Variants in SLC38A3 observed in about 807,000 individuals in gnomAD.
The protein encoded by SLC38A3 is solute carrier family 38 member 3.
SLC38A3 carries 17 observed loss-of-function variants against 59.5 expected under a neutral mutation model. That is an observed-to-expected ratio of 0.29 (90% confidence interval 0.20 to 0.43). The LOEUF (loss-of-function observed/expected upper bound fraction) is 0.43. Among genes scored for constraint, SLC38A3 ranks in the 20% least tolerant of loss-of-function variants. SLC38A3 has a pLI of 1.00. For synonymous variants in SLC38A3, 238 were observed against 260.3 expected (o/e 0.91, Z 0.82); for missense variants, 454 against 653.9 (o/e 0.69, Z 3.33).
At chr3:50,209,813 A>G (rs779810400) in intron 1 of SLC38A3, among the ~76,000 whole-genome samples, 53 of 152,146 alleles carry the variant, frequency 3.5e-4, no homozygotes, top group African/African-American at 1.2e-3. Flanking sequence ...GCTGAGGATT[A>G]ACATGGCCGG....
At chr3:50,219,364 C>T (rs1346750690) in intron 14 of SLC38A3, among the ~76,000 whole-genome samples, 1 of 152,198 alleles carries the variant, frequency 6.6e-6, no homozygotes, top group East Asian at 1.9e-4. Flanking sequence ...CCAGATGGGG[C>T]TCTCAGCTGG....
Position 50,215,405 on chromosome 3 carries a change from G to A in SLC38A3, c.319G>A (p.Ala107Thr), listed in dbSNP as rs780657967. ...ILFLFLLTAV[A>T]LLSSYSIHLL... ...CCCCAGGTTCCTGTTGACAGCTGTC[G>A]CCTTGCTCTCCAGCTACTCCATCCA... is the stretch of plus-strand genomic sequence containing the variant. Residue 107 changes from alanine to threonine, a missense_variant, in exon 5 of 16, where the codon GCC (alanine) becomes ACC (threonine). Ala to Thr is a moderately conservative substitution (Grantham distance 58). Around this residue, in one of 3 missense-constraint regions of SLC38A3, gnomAD observed 390 missense variants for 557.9 expected, o/e 0.70. Transcript: ENST00000614032. The surrounding 1 kb of genome is among the most constrained non-coding windows in gnomAD (Gnocchi z 7.1). 1.1e-5 allele frequency: 18 copies of A among 1,613,782 alleles called. No homozygotes were observed. The highest frequency in any genetic ancestry group is 4.4e-5 in the South Asian group (4 of 91,072).
Position 50,215,251 on chromosome 3 carries a change from T to C in SLC38A3, c.300-135T>C, listed in dbSNP as rs866196979. 1 of 742,454 alleles carries C rather than the reference T, an allele frequency of 1.3e-6. No individual in the cohort carries two copies. The highest frequency in any genetic ancestry group is 2.3e-6 in the Non-Finnish European group (1 of 427,622). The allele number at this position is 742,454 out of a possible 1,614,324, so 46.0% of individuals were successfully genotyped here. A position where few individuals can be genotyped will look rare whatever the true frequency, so the allele number is the denominator to read the frequency against. On this transcript the variant is annotated intron_variant, in intron 4 of 15. Coordinates refer to ENST00000614032, the MANE Select transcript of SLC38A3 (RefSeq NM_006841.6). The surrounding 1 kb of genome is among the most constrained non-coding windows in gnomAD (Gnocchi z 7.1). Reference sequence around the variant, plus strand: ...ACCCCTGGGGCCTGCTGAGCTGGCATCCATACCTGTTGGGAGTCCAGACAC... The same window carrying C: ...ACCCCTGGGGCCTGCTGAGCTGGCACCCATACCTGTTGGGAGTCCAGACAC...
Position 50,218,348 on chromosome 3 carries a change from C to T in SLC38A3, c.1014C>T (p.Leu338=). The T allele has an allele frequency of 1.9e-6, 3 of 1,612,154 alleles. No homozygotes were observed. Among genetic ancestry groups the T allele is most frequent in the Middle Eastern group, 1.7e-4 (1 of 6,060 alleles). ...VMYIMYFLAA[L]FGYLTFYNGV... ...ACATCATGTACTTCCTGGCTGCCCT[C>T]TTCGGCTACCTCACCTTCTACAGTA... Residue 338 remains leucine, a synonymous_variant, in exon 12 of 16, where the codon CTC becomes CTT. Coordinates refer to ENST00000614032, the MANE Select transcript of SLC38A3 (RefSeq NM_006841.6). The surrounding 1 kb of genome is among the most constrained non-coding windows in gnomAD (Gnocchi z 5.8).
Position 50,217,125 on chromosome 3 carries a change from C to T in SLC38A3, c.549-113C>T. ...AGTGAGACTCAGAGCTGTGGACAAA[C>T]ATTCTTCAGATGTCACTCAGTGGCA... On this transcript the variant is annotated intron_variant, in intron 7 of 15. Coordinates refer to ENST00000614032, the MANE Select transcript of SLC38A3 (RefSeq NM_006841.6). The surrounding 1 kb of genome is among the most constrained non-coding windows in gnomAD (Gnocchi z 4.9). 1 of 728,044 alleles carries T rather than the reference C, an allele frequency of 1.4e-6. No individual in the cohort carries two copies. Among genetic ancestry groups the T allele is most frequent in the Non-Finnish European group, 2.4e-6 (1 of 411,074 alleles). The allele number at this position is 728,044 out of a possible 1,614,324, so 45.1% of individuals were successfully genotyped here.
In SLC38A3 at chr3:50,214,658, G is replaced by A. The variant is rs1274120223; in HGVS notation, c.189G>A (p.Glu63=). Residue 63 remains glutamate (E), a synonymous_variant, in exon 4 of 16, where the codon GAG becomes GAA. Transcript: ENST00000614032. This position sits in a 1 kb window ranked among gnomAD's most constrained non-coding sequence, Gnocchi z 6.0. ...PSKEPHFTDF[E]GKTSFGMSVF... is the part of the protein sequence containing the mutation. ...TCCCATTCTGGTGCCTGCAGTTCGA[G>A]GGGAAGACATCATTCGGGATGTCAG... The A allele has an allele frequency of 6.2e-7, 1 of 1,609,564 alleles. No individual in the cohort carries two copies. The highest frequency in any genetic ancestry group is 1.1e-5 in the South Asian group (1 of 90,424).
Position 50,214,046 on chromosome 3 carries a change from G to A in SLC38A3, c.-51-103G>A, listed in dbSNP as rs530284764. On this transcript the variant is annotated intron_variant, in intron 1 of 15. Transcript: ENST00000614032. The surrounding 1 kb of genome is among the most constrained non-coding windows in gnomAD (Gnocchi z 6.0). ...AGAGCTGCATGTGTGGATATGCCCC[G>A]AGTGACCATCTGGGAGGTGTGCTAT... 1.8e-5 allele frequency: 12 copies of A among 658,832 alleles called. No homozygotes were observed. The highest frequency in any genetic ancestry group is 5.4e-5 in the East Asian group (2 of 36,742). 40.8% of individuals were successfully genotyped at this position (658,832 alleles called of 1,614,324 possible). A position where few individuals can be genotyped will look rare whatever the true frequency, so the allele number is the denominator to read the frequency against.
Position 50,218,151 on chromosome 3 carries a change from G to T in SLC38A3, c.936-119G>T. On this transcript the variant is annotated intron_variant, in intron 11 of 15. Transcript: ENST00000614032. This position sits in a 1 kb window ranked among gnomAD's most constrained non-coding sequence, Gnocchi z 5.8. ...CATGAGAGGTGATTATGAGCAAGAA[G>T]GAGACTCCCTCAGATGCTGAATGGT... 9.5e-7 allele frequency: 1 copy of T among 1,055,054 alleles called. No homozygotes were observed. The highest frequency in any genetic ancestry group is 1.6e-5 in the African/African-American group (1 of 64,336). The allele number at this position is 1,055,054 out of a possible 1,614,324, so 65.4% of individuals were successfully genotyped here.
intron 1 of SLC38A3, chr3:50,207,992 C>T (rs1699668253): frequency 6.6e-6 from 1 of 152,358 alleles, no homozygotes; most frequent in Non-Finnish European, 1.5e-5. Flanking sequence ...GGTGCTGGAC[C>T]AGGGATATCT....
chr3:50,219,925 T>A lies in SLC38A3; in HGVS notation c.1351T>A (p.Phe451Ile). The change falls in exon 15 of 16, where the codon TTC (phenylalanine) becomes ATC (isoleucine). Residue 451 changes from phenylalanine (F) to isoleucine (I), a missense_variant. Transcript: ENST00000614032. ...PFLIFIFPAI[F>I]YFRIMPTEKE... ...CCTCATCTTCATCTTCCCTGCCATC[T>A]TCTACTTCCGAATCATGCCCACGGA... The A allele has an allele frequency of 6.2e-7, 1 of 1,613,560 alleles. No individual in the cohort carries two copies. The highest frequency in any genetic ancestry group is 8.5e-7 in the Non-Finnish European group (1 of 1,179,722).
chr3:50,218,667 G>C lies in SLC38A3; in HGVS notation c.1111G>C (p.Val371Leu), dbSNP rs1283005538. 7 of 1,613,502 alleles carry C rather than the reference G, an allele frequency of 4.3e-6. No individual in the cohort carries two copies. In the East Asian group the frequency reaches 1.6e-4, roughly 36 times the overall value. The change falls in exon 13 of 16, where the codon GTG (valine) becomes CTG (leucine). Residue 371 changes from valine to leucine, a missense_variant. This residue lies in a region of SLC38A3 where 390 missense variants were observed against 557.9 expected (regional missense o/e 0.70). Coordinates refer to ENST00000614032, the MANE Select transcript of SLC38A3 (RefSeq NM_006841.6). The surrounding 1 kb of genome is among the most constrained non-coding windows in gnomAD (Gnocchi z 5.8). ...TGACGTCCTGATCCTGTGTGTGCGC[G>C]TGGCCGTGCTGACAGCAGTCACGCT... ...PFDVLILCVRVAVLTAVTLTV... is the reference protein window; with the variant it reads ...PFDVLILCVRLAVLTAVTLTV...
At chr3:50,216,242 G>A (rs189809814) in intron 7 of SLC38A3, among the ~76,000 whole-genome samples, 70 of 152,344 alleles carry the variant, frequency 4.6e-4, no homozygotes, top group Non-Finnish European at 8.5e-4. Context: ...GGCATCAAAC[G>A]TGTTTTGTGG....
In SLC38A3 at chr3:50,214,205, G is replaced by A; in HGVS notation, c.6G>A (p.Glu2=). M[E]APLQTEMVEL... ...CTGGTGGTGTGCCCTGAGCCATGGA[G>A]GCGCCTTTGCAGACAGAGATGGTGG... Residue 2 remains glutamate, a synonymous_variant, in exon 2 of 16, where the codon GAG becomes GAA. Coordinates refer to ENST00000614032, the MANE Select transcript of SLC38A3 (RefSeq NM_006841.6). This position sits in a 1 kb window ranked among gnomAD's most constrained non-coding sequence, Gnocchi z 6.0. 6.2e-7 allele frequency: 1 copy of A among 1,613,564 alleles called. No homozygotes were observed. The highest frequency in any genetic ancestry group is 8.5e-7 in the Non-Finnish European group (1 of 1,179,744).
At chr3:50,211,885 G>A (rs926715554) in intron 1 of SLC38A3, among the ~76,000 whole-genome samples, 6 of 152,048 alleles carry the variant, frequency 3.9e-5, no homozygotes, top group Non-Finnish European at 5.9e-5. Flanking sequence ...ACTGCGCCCG[G>A]CACCCCCATC....
chr3:50,211,023 G>A (rs2109151082), intron 1 of SLC38A3, among the ~76,000 whole-genome samples: 1 of 152,330 alleles, frequency 6.6e-6, no homozygotes, highest in Middle Eastern at 3.4e-3. Flanking sequence ...GATACACTGA[G>A]GTCCTGAGCT....
chr3:50,207,803 G>A (rs1699666353), intron 1 of SLC38A3: 1 of 152,594 alleles, frequency 6.6e-6, no homozygotes, highest in Non-Finnish European at 1.5e-5. Flanking sequence ...GGCAGGAGGG[G>A]CTTTCCGGCC....
intron 1 of SLC38A3, among the ~76,000 whole-genome samples, chr3:50,208,621 C>T (rs1268139813): frequency 6.6e-6 from 1 of 152,196 alleles, no homozygotes; most frequent in East Asian, 1.9e-4. Context: ...CTGTCTCTGA[C>T]TGGGTGCTCA....
chr3:50,215,849 G>C lies in SLC38A3; in HGVS notation c.548+28G>C. On this transcript the variant is annotated intron_variant, in intron 7 of 15. Coordinates refer to ENST00000614032, the MANE Select transcript of SLC38A3 (RefSeq NM_006841.6). The surrounding 1 kb of genome is among the most constrained non-coding windows in gnomAD (Gnocchi z 7.1). ...GAGCCCTGGCGTGGGGAGGGGAGGG[G>C]AGGGGTGCGGTGCAGTGAGGAGGGG... 8.0e-7 allele frequency: 1 copy of C among 1,256,818 alleles called. No individual in the cohort carries two copies. Among genetic ancestry groups the C allele is most frequent in the Non-Finnish European group, 1.1e-6 (1 of 882,072 alleles). The allele number at this position is 1,256,818 out of a possible 1,614,324, so 77.9% of individuals were successfully genotyped here. A position where few individuals can be genotyped will look rare whatever the true frequency, so the allele number is the denominator to read the frequency against.
Position 50,217,207 on chromosome 3 carries a change from T to G in SLC38A3, c.549-31T>G. 1 of 1,557,098 alleles carries G rather than the reference T, an allele frequency of 6.4e-7. No individual in the cohort carries two copies. Among genetic ancestry groups the G allele is most frequent in the Non-Finnish European group, 8.8e-7 (1 of 1,137,050 alleles). Reference sequence around the variant, plus strand: ...GCCCCATCCCAGGCTGAATGGATTCTGACCCTGGCTCCCGACTCATGTCCC... The same window carrying G: ...GCCCCATCCCAGGCTGAATGGATTCGGACCCTGGCTCCCGACTCATGTCCC... On this transcript the variant is annotated intron_variant, in intron 7 of 15. Transcript: ENST00000614032. This position sits in a 1 kb window ranked among gnomAD's most constrained non-coding sequence, Gnocchi z 4.9.
Sources: gnomAD v4.1 joint callset for allele counts (sites outside exome capture counted in the v4.1 genomes callset) on GRCh38, gnomAD v4.1.1 for gene constraint, gnomAD v4.1.1 regional missense constraint, Gnocchi (gnomAD v3.1) non-coding constraint, MANE v1.5 for transcripts, NCBI Gene and HGNC (gene_info 2026-07-23, HGNC 2026-07-21) for gene names.